Variants in PDZRN4 observed in about 807,000 individuals in gnomAD.
PDZRN4 encodes PDZ domain-containing RING finger protein 4.
In PDZRN4, 70 loss-of-function variants were observed where a neutral mutation model predicts 99.0. The observed-to-expected ratio is 0.71, with a 90% CI of 0.58 to 0.86. The LOEUF (loss-of-function observed/expected upper bound fraction) is 0.86, where lower values mean the gene tolerates loss of function less well. Ranked by LOEUF, PDZRN4 falls within the 40% of genes least tolerant of loss-of-function variation. PDZRN4 has a pLI of 0.00. For missense variants in PDZRN4, 1,474 were observed against 1,331.2 expected, an observed-to-expected ratio of 1.11 and a Z score of -1.67; for synonymous variants, 551 against 501.6, an observed-to-expected ratio of 1.10 and a Z score of -1.32.
chr12:41,555,450 G>C (rs932662800), intron 6 of PDZRN4, among the ~76,000 whole-genome samples: 3 of 151,526 alleles, frequency 2.0e-5, no homozygotes, highest in Admixed American at 6.6e-5. Context: ...ATAGAGAAAG[G>C]GTGGAAAACT....
chr12:41,313,847 T>C (rs918712372), intron 3 of PDZRN4, among the ~76,000 whole-genome samples: 3 of 152,228 alleles, frequency 2.0e-5, no homozygotes, highest in Admixed American at 1.3e-4. Context: ...CACCTTTAAT[T>C]TCATTCTACC....
intron 3 of PDZRN4, among the ~76,000 whole-genome samples, chr12:41,211,765 A>G (rs1051976799): frequency 1.3e-5 from 2 of 152,004 alleles, no homozygotes; most frequent in Admixed American, 1.3e-4. Context: ...GGCAAAATAA[A>G]AGCCACTTAT....
intron 3 of PDZRN4, among the ~76,000 whole-genome samples, chr12:41,341,704 A>G (rs976037429): frequency 1.3e-5 from 2 of 151,928 alleles, no homozygotes; most frequent in Non-Finnish European, 2.9e-5. Context: ...TGAAGAAAAC[A>G]CAAATAAATG....
intron 7 of PDZRN4, among the ~76,000 whole-genome samples, chr12:41,562,406 A>C (rs2120831624): frequency 6.6e-6 from 1 of 152,300 alleles, no homozygotes; most frequent in Non-Finnish European, 1.5e-5. Context: ...GCTTTTAAGC[A>C]GAAGTCCTTA....
At chr12:41,565,746 G>C (rs1468556218) in intron 8 of PDZRN4, among the ~76,000 whole-genome samples, 2 of 151,984 alleles carry the variant, frequency 1.3e-5, no homozygotes, top group Non-Finnish European at 2.9e-5. Context: ...TTCTTCCTGA[G>C]ACCATTAAAG....
At chr12:41,484,159 C>A (rs372033163) in intron 3 of PDZRN4, among the ~76,000 whole-genome samples, 162 of 152,146 alleles carry the variant, frequency 1.1e-3, no homozygotes, top group African/African-American at 3.8e-3. Context: ...TGTCCTATAG[C>A]AAAATTGAGG....
chr12:41,396,584 G>A (rs1207606025), intron 3 of PDZRN4, among the ~76,000 whole-genome samples: 4 of 152,118 alleles, frequency 2.6e-5, no homozygotes, highest in African/African-American at 9.7e-5. Context: ...GGCTGTTTCA[G>A]GCTCAACGTC....
At chr12:41,457,626 G>T (rs1592067147) in intron 3 of PDZRN4, among the ~76,000 whole-genome samples, 1 of 152,112 alleles carries the variant, frequency 6.6e-6, no homozygotes, top group East Asian at 1.9e-4. Flanking sequence ...TTTTCTAGGG[G>T]ACCAAGATCT....
At chr12:41,389,554 A>G (rs1055025181) in intron 3 of PDZRN4, among the ~76,000 whole-genome samples, 2 of 152,090 alleles carry the variant, frequency 1.3e-5, no homozygotes, top group African/African-American at 4.8e-5. Flanking sequence ...GTCTGTCTTA[A>G]TTTTCATGAG....
Position 41,258,444 on chromosome 12 carries a change from A to T in PDZRN4, c.843+64256A>T, listed in dbSNP as rs938311666. ...TATTTTACACATAATCTGGAGTAAGAGTCATTGGTGATAGAAGTCATGTTT... is the reference window on the plus strand; with the variant it reads ...TATTTTACACATAATCTGGAGTAAGTGTCATTGGTGATAGAAGTCATGTTT... On this transcript the variant is annotated intron_variant, in intron 3 of 9. Coordinates refer to ENST00000402685, the MANE Select transcript of PDZRN4 (RefSeq NM_001164595.2). Among the ~76,000 whole-genome samples, 8 of 152,134 alleles carry T rather than the reference A, an allele frequency of 5.3e-5. 1 individual carries two copies. The highest frequency in any genetic ancestry group is 5.2e-4 in the Admixed American group (8 of 15,274).
rs553035505 is a variant in PDZRN4 at position 41,550,135 on chromosome 12, G to A, written c.1204-2521G>A. 5.8e-4 allele frequency among the ~76,000 whole-genome samples: 88 copies of A among 152,186 alleles called. 1 individual carries two copies. The highest frequency in any genetic ancestry group is 1.1e-3 in the Non-Finnish European group (76 of 67,986). On this transcript the variant is annotated intron_variant, in intron 5 of 9. Coordinates refer to ENST00000402685, the MANE Select transcript of PDZRN4 (RefSeq NM_001164595.2). Reference sequence around the variant, plus strand: ...CACTCAATTTTATTGCCAAAAAGTTGTTCTAAGCAAACACCAAAGTCAAAG... The same window carrying A: ...CACTCAATTTTATTGCCAAAAAGTTATTCTAAGCAAACACCAAAGTCAAAG...
chr12:41,238,254 T>A (rs1265788460), intron 3 of PDZRN4, among the ~76,000 whole-genome samples: 2 of 152,134 alleles, frequency 1.3e-5, no homozygotes, highest in Non-Finnish European at 2.9e-5. Flanking sequence ...AGTTCATTCA[T>A]GATTTGGCTC....
At chr12:41,436,712 C>T (rs1200816061) in intron 3 of PDZRN4, among the ~76,000 whole-genome samples, 1 of 152,112 alleles carries the variant, frequency 6.6e-6, no homozygotes, top group Non-Finnish European at 1.5e-5. Context: ...AAACTGCCAG[C>T]TTGCAATACA....
At chr12:41,513,612 C>G (rs1592092393) in intron 5 of PDZRN4, among the ~76,000 whole-genome samples, 1 of 152,050 alleles carries the variant, frequency 6.6e-6, no homozygotes, top group African/African-American at 2.4e-5. Flanking sequence ...AGCTTCTCCT[C>G]CTTTTAGTTT....
At chr12:41,444,277 A>G (rs1444760495) in intron 3 of PDZRN4, among the ~76,000 whole-genome samples, 1 of 151,986 alleles carries the variant, frequency 6.6e-6, no homozygotes, top group African/African-American at 2.4e-5. Flanking sequence ...CCTTCACCCA[A>G]CGTCATTCCC....
At chr12:41,486,936 G>A (rs935264789) in intron 3 of PDZRN4, among the ~76,000 whole-genome samples, 3 of 152,056 alleles carry the variant, frequency 2.0e-5, no homozygotes, top group Non-Finnish European at 4.4e-5. Context: ...GCTAGCGGCA[G>A]GAGCATTCCT....
intron 9 of PDZRN4, 121 bp downstream of exon 9, chr12:41,568,020 A>AT (rs1189801158): frequency 1.6e-6 from 1 of 614,264 alleles, no homozygotes; most frequent in African/African-American, 1.9e-5. Context: ...TATCATGGTA[A>AT]TTTTTTAGAG....
intron 3 of PDZRN4, among the ~76,000 whole-genome samples, chr12:41,309,252 C>T (rs1951590374): frequency 6.6e-6 from 1 of 152,130 alleles, no homozygotes; most frequent in Non-Finnish European, 1.5e-5. Context: ...ATACCATAGA[C>T]TAGCTAATTT....
chr12:41,402,334 T>A (rs1266855495), intron 3 of PDZRN4, among the ~76,000 whole-genome samples: 7 of 8 alleles, frequency 0.88, 3 homozygotes, highest in South Asian at 1. Flanking sequence ...ACACACTGTG[T>A]GTATATATAT....
Sources: gnomAD v4.1 joint callset for allele counts (sites outside exome capture counted in the v4.1 genomes callset) on GRCh38, gnomAD v4.1.1 for gene constraint, MANE v1.5 for transcripts, NCBI Gene and HGNC (gene_info 2026-07-23, HGNC 2026-07-21) for gene names.